Variants in PABPC1 observed in about 807,000 individuals in gnomAD.
PABPC1 encodes poly(A) binding protein cytoplasmic 1.
In PABPC1, 4 loss-of-function variants were observed where a neutral mutation model predicts 74.0. The ratio of observed to expected loss-of-function variants is 0.05; its 90% CI spans 0.03 to 0.12. The LOEUF is 0.12. Among genes scored for constraint, PABPC1 ranks in the 10% least tolerant of loss-of-function variants. The pLI is 1.00. For missense variants in PABPC1, 271 were observed against 821.1 expected (o/e 0.33, Z 8.19); for synonymous variants, 227 against 264.1 (o/e 0.86, Z 1.36).
At chr8:100,719,834 A>G (rs573515931) in intron 1 of PABPC1, among the ~76,000 whole-genome samples, 1 of 152,326 alleles carries the variant, frequency 6.6e-6, no homozygotes, top group African/African-American at 2.4e-5. Context: ...CCTGCCCCAA[A>G]GTTATCTACC....
intron 3 of PABPC1, among the ~76,000 whole-genome samples, chr8:100,717,259 C>T (rs1179921509): frequency 4.6e-5 from 7 of 152,276 alleles, no homozygotes; most frequent in East Asian, 1.9e-4. Context: ...CCGCCCACCT[C>T]GGCCTCCCAA....
At position 100,721,670 on chromosome 8, in the gene PABPC1, G is replaced by T; in HGVS notation, c.-87C>A. Reference sequence around the variant, plus strand: ...TGCCGGGGCTGGGGGCCGGAGCCGGGGGGAGGGGAGCGGGGAGCAAGCGCA... The same window carrying T: ...TGCCGGGGCTGGGGGCCGGAGCCGGTGGGAGGGGAGCGGGGAGCAAGCGCA... On this transcript the variant is annotated 5_prime_UTR_variant, in exon 1 of 15. Coordinates refer to ENST00000318607, the MANE Select transcript of PABPC1 (RefSeq NM_002568.4). This position sits in a 1 kb window ranked among gnomAD's most constrained non-coding sequence, Gnocchi z 7.4. 1 of 1,158,706 alleles carries T rather than the reference G, an allele frequency of 8.6e-7. No individual in the cohort carries two copies. The highest frequency in any genetic ancestry group is 1.2e-6 in the Non-Finnish European group (1 of 864,498). 71.8% of individuals were successfully genotyped at this position (1,158,706 alleles called of 1,614,324 possible). A position where few individuals can be genotyped will look rare whatever the true frequency, so the allele number is the denominator to read the frequency against.
At chr8:100,708,842 C>G (rs1172040688) in intron 9 of PABPC1, among the ~76,000 whole-genome samples, 1 of 151,954 alleles carries the variant, frequency 6.6e-6, no homozygotes, top group African/African-American at 2.4e-5. Context: ...TGAGCCACTG[C>G]ACTCGAGCCT....
At chr8:100,713,021 T>TA in intron 5 of PABPC1, 66 bp downstream of exon 5, 1 of 1,170,572 alleles carries the variant, frequency 8.5e-7, no homozygotes, top group Non-Finnish European at 1.2e-6. Context: ...AGTATGCACA[T>TA]AGACTTCAAC....
rs1810814900 is a variant in PABPC1 at position 100,721,144 on chromosome 8, G to C, written c.193+247C>G. On this transcript the variant is annotated intron_variant, in intron 1 of 14. Coordinates refer to ENST00000318607, the MANE Select transcript of PABPC1 (RefSeq NM_002568.4). The surrounding 1 kb of genome is among the most constrained non-coding windows in gnomAD (Gnocchi z 7.4). ...GGCGCGTCATCACCCTAAAGTTTGA[G>C]AGCGTCTGAGGCCGAGAAAATGGTC... is the stretch of plus-strand genomic sequence containing the variant. 6.6e-6 allele frequency among the ~76,000 whole-genome samples: 1 copy of C among 152,302 alleles called. No homozygotes were observed. Among genetic ancestry groups the C allele is most frequent in the South Asian group, 2.1e-4 (1 of 4,830 alleles).
intron 13 of PABPC1, 150 bp downstream of exon 13, chr8:100,704,776 G>C: frequency 2.6e-6 from 2 of 775,624 alleles, no homozygotes; most frequent in Non-Finnish European, 4.1e-6. Context: ...TATAAAATGG[G>C]GATAAATAGC....
chr8:100,705,845 C>G (rs1020500431), intron 11 of PABPC1, among the ~76,000 whole-genome samples, 172 bp from the exon 12 acceptor site: 2 of 152,310 alleles, frequency 1.3e-5, no homozygotes, highest in African/African-American at 2.4e-5. Flanking sequence ...CTATGTATCA[C>G]AGATACATTT....
Position 100,721,655 on chromosome 8 carries a change from G to T in PABPC1, c.-72C>A. On this transcript the variant is annotated 5_prime_UTR_variant, in exon 1 of 15. Transcript: ENST00000318607. The surrounding 1 kb of genome is among the most constrained non-coding windows in gnomAD (Gnocchi z 7.4). Reference sequence around the variant, plus strand: ...GAGGAGGAGAGCGAGTGCCGGGGCTGGGGGCCGGAGCCGGGGGGAGGGGAG... The same window carrying T: ...GAGGAGGAGAGCGAGTGCCGGGGCTTGGGGCCGGAGCCGGGGGGAGGGGAG... The T allele has an allele frequency of 7.8e-7, 1 of 1,289,210 alleles. No homozygotes were observed. Among genetic ancestry groups the T allele is most frequent in the African/African-American group, 1.5e-5 (1 of 65,860 alleles). 79.9% of individuals were successfully genotyped at this position (1,289,210 alleles called of 1,614,324 possible).
intron 2 of PABPC1, 29 bp downstream of exon 2, chr8:100,718,058 A>G: frequency 6.4e-7 from 1 of 1,572,936 alleles, no homozygotes; most frequent in South Asian, 1.1e-5. Context: ...CAACAATGTA[A>G]ACATGTGTAT....
chr8:100,720,498 T>C (rs1810790852), intron 1 of PABPC1, among the ~76,000 whole-genome samples: 1 of 152,210 alleles, frequency 6.6e-6, no homozygotes, highest in Non-Finnish European at 1.5e-5. Flanking sequence ...AAGTAACATT[T>C]TATAGCCAAA....
rs1225188430 is a variant in PABPC1 at position 100,721,013 on chromosome 8, G to T, written c.193+378C>A. Among the ~76,000 whole-genome samples the T allele has an allele frequency of 6.6e-6, 1 of 151,974 alleles. No individual in the cohort carries two copies. Among genetic ancestry groups the T allele is most frequent in the African/African-American group, 2.4e-5 (1 of 41,246 alleles). Reference sequence around the variant, plus strand: ...CCGGCAGGAGCTCCGGGTGGTGGGAGCGCCTCCACCTCTTACCCACGGAAG... The same window carrying T: ...CCGGCAGGAGCTCCGGGTGGTGGGATCGCCTCCACCTCTTACCCACGGAAG... On this transcript the variant is annotated intron_variant, in intron 1 of 14. Coordinates refer to ENST00000318607, the MANE Select transcript of PABPC1 (RefSeq NM_002568.4). The surrounding 1 kb of genome is among the most constrained non-coding windows in gnomAD (Gnocchi z 7.4).
In PABPC1 at chr8:100,719,603, A is replaced by G. The variant is rs539211455; in HGVS notation, c.194-1323T>C. On this transcript the variant is annotated intron_variant, in intron 1 of 14. Coordinates refer to ENST00000318607, the MANE Select transcript of PABPC1 (RefSeq NM_002568.4). ...AATGGAAAACTGCCATATTCTTTTC[A>G]GTAGTTAGGGTACTGGTCTACTGGT... 8.5e-5 allele frequency among the ~76,000 whole-genome samples: 13 copies of G among 152,340 alleles called. No homozygotes were observed. The South Asian group carries it at 2.7e-3, about 32-fold the overall frequency.
rs769994079 is a variant in PABPC1, at chr8:100,704,398, A to T, written c.1819-8T>A. On this transcript the variant is annotated splice_polypyrimidine_tract_variant and splice_region_variant and intron_variant, in intron 13 of 14. Coordinates refer to ENST00000318607, the MANE Select transcript of PABPC1 (RefSeq NM_002568.4). ...AGCTACAGCTTCATCAACCTAAAAA[A>T]GGGGAAAACAGATAAACTGGTTCAG... 4 of 1,604,548 alleles carry T rather than the reference A, an allele frequency of 2.5e-6. No individual in the cohort carries two copies. The African/African-American group carries it at 5.4e-5, about 21-fold the overall frequency.
At chr8:100,704,516 C>A in intron 13 of PABPC1, 126 bp from the exon 14 acceptor site, 1 of 808,858 alleles carries the variant, frequency 1.2e-6, no homozygotes, top group Non-Finnish European at 2.1e-6. Flanking sequence ...TAAATTGTTA[C>A]ACTAAACAAC....
Position 100,709,558 on chromosome 8 carries a change from A to G in PABPC1, c.1146T>C (p.Tyr382=). Residue 382 remains tyrosine, a synonymous_variant, in exon 8 of 15, where the codon TAT becomes TAC. Coordinates refer to ENST00000318607, the MANE Select transcript of PABPC1 (RefSeq NM_002568.4). ...EERQAHLTNQ[Y]MQRMASVRAV... ...CTCGTACACTTGCCATTCTCTGCAT[A>G]TACTGGTTAGTGAGGTGAGCCTGGC... 6.2e-7 allele frequency: 1 copy of G among 1,614,252 alleles called. No homozygotes were observed. The highest frequency in any genetic ancestry group is 1.1e-5 in the South Asian group (1 of 91,092).
In PABPC1 at chr8:100,704,412, A is replaced by T. The variant is rs201961200; in HGVS notation, c.1819-22T>A. 1.5e-4 allele frequency: 244 copies of T among 1,577,306 alleles called. 1 individual carries two copies. In the Admixed American group the frequency reaches 4.0e-3, roughly 26 times the overall value. ...CAACCTAAAAAAGGGGAAAACAGAT[A>T]AACTGGTTCAGGAAAGGAATGGAAA... On this transcript the variant is annotated intron_variant, in intron 13 of 14. Coordinates refer to ENST00000318607, the MANE Select transcript of PABPC1 (RefSeq NM_002568.4).
Position 100,721,100 on chromosome 8 carries a change from G to A in PABPC1, c.193+291C>T, listed in dbSNP as rs1337559276. ...CTGGCGGGAGCGCCGCGGAGGAACC[G>A]AATCTCACCCACCCTCCCGGCGCGT... On this transcript the variant is annotated intron_variant, in intron 1 of 14. Coordinates refer to ENST00000318607, the MANE Select transcript of PABPC1 (RefSeq NM_002568.4). The surrounding 1 kb of genome is among the most constrained non-coding windows in gnomAD (Gnocchi z 7.4). Among the ~76,000 whole-genome samples, 2 of 152,162 alleles carry A rather than the reference G, an allele frequency of 1.3e-5. No individual in the cohort carries two copies. Among genetic ancestry groups the A allele is most frequent in the African/African-American group, 4.8e-5 (2 of 41,444 alleles).
At chr8:100,719,446 C>T (rs1340349800) in intron 1 of PABPC1, among the ~76,000 whole-genome samples, 1 of 150,152 alleles carries the variant, frequency 6.7e-6, no homozygotes, top group African/African-American at 2.4e-5. Context: ...TCACCTCTTC[C>T]TATGAAATTG....
At position 100,717,665 on chromosome 8, in the gene PABPC1, C is replaced by T. The variant is rs112096984; in HGVS notation, c.503+108G>A. The T allele has an allele frequency of 2.4e-3, 1,610 of 664,930 alleles. 16 individuals carry two copies. In the African/African-American group the frequency reaches 0.024, roughly 10 times the overall value. 41.2% of individuals were successfully genotyped at this position (664,930 alleles called of 1,614,324 possible). A position where few individuals can be genotyped will look rare whatever the true frequency, so the allele number is the denominator to read the frequency against. On this transcript the variant is annotated intron_variant, in intron 3 of 14. Coordinates refer to ENST00000318607, the MANE Select transcript of PABPC1 (RefSeq NM_002568.4). ...CTTTAAAATGTTTTTATTCTTTTAT[C>T]TTATGTGCATCTAACTTCTCCCTGA...
Sources: allele counts gnomAD v4.1 joint callset (sites outside exome capture counted in the v4.1 genomes callset), GRCh38; gene constraint gnomAD v4.1.1; non-coding constraint Gnocchi (gnomAD v3.1); transcripts MANE v1.5; gene names NCBI Gene and HGNC (gene_info 2026-07-23, HGNC 2026-07-21).